ANO2: variants seen among roughly 807,000 people sequenced by gnomAD.
ANO2 encodes anoctamin-2.
In ANO2, 101 loss-of-function variants were observed where a neutral mutation model predicts 124.2. The observed-to-expected ratio is 0.81, with a 90% CI of 0.69 to 0.96. ANO2 has a LOEUF of 0.96. Ranked by LOEUF, ANO2 falls within the 40% of genes least tolerant of loss-of-function variation. The pLI, the probability that ANO2 is intolerant of heterozygous loss-of-function variation, is 0.00. For synonymous variants in ANO2, 486 were observed against 482.5 expected, an observed-to-expected ratio of 1.01 and a Z score of -0.09; for missense variants, 1,293 against 1,274.5, an observed-to-expected ratio of 1.01 and a Z score of -0.22.
Position 5,739,367 on chromosome 12 carries a change from G to C in ANO2, c.1384C>G (p.Gln462Glu), listed in dbSNP as rs753823981. ...TMFLENWKRL[Q>E]MRLGYFWDLT... is the part of the protein sequence containing the mutation. ...TCCCAAAAGTAGCCCAGTCGCATCTGTAGCCTCTTCCAGTTTTCCAGGAAC... is the reference window on the plus strand; with the variant it reads ...TCCCAAAAGTAGCCCAGTCGCATCTCTAGCCTCTTCCAGTTTTCCAGGAAC... The change falls in exon 13 of 25, where the codon CAG (glutamine) becomes GAG (glutamate). Residue 462 changes from glutamine (Q) to glutamate (E), a missense_variant. Physicochemically the swap from Gln to Glu is conservative, Grantham distance 29. Coordinates refer to ENST00000682330, the MANE Select transcript of ANO2 (RefSeq NM_001364791.2). The C allele has an allele frequency of 6.2e-7, 1 of 1,607,436 alleles. No individual in the cohort carries two copies. Among genetic ancestry groups the C allele is most frequent in the Non-Finnish European group, 8.5e-7 (1 of 1,177,068 alleles).
chr12:5,785,204 G>T (rs1183734007), intron 10 of ANO2, among the ~76,000 whole-genome samples: 1 of 152,184 alleles, frequency 6.6e-6, no homozygotes. Flanking sequence ...GGATGGATTG[G>T]TAAAGACAGG....
chr12:5,938,194 G>A (rs7397199), intron 1 of ANO2, among the ~76,000 whole-genome samples: 149,169 of 152,226 alleles, frequency 0.98, 73,148 homozygotes, highest in Middle Eastern at 1. Flanking sequence ...CAGGCATTTA[G>A]TAAGCATTTC....
chr12:5,670,750 C>T (rs1028010039), intron 14 of ANO2, among the ~76,000 whole-genome samples: 7 of 152,038 alleles, frequency 4.6e-5, no homozygotes, highest in African/African-American at 1.5e-4. Flanking sequence ...ATGTTGCCCA[C>T]GTTGATCTCG....
chr12:5,786,983 G>T (rs1272665662), intron 10 of ANO2, among the ~76,000 whole-genome samples: 1 of 152,150 alleles, frequency 6.6e-6, no homozygotes, highest in Non-Finnish European at 1.5e-5. Flanking sequence ...CACTAACACA[G>T]CCACCATAGG....
chr12:5,595,486 G>A (rs1294693966), intron 20 of ANO2, among the ~76,000 whole-genome samples: 1 of 151,928 alleles, frequency 6.6e-6, no homozygotes, highest in South Asian at 2.1e-4. Flanking sequence ...GCCTCCCAAA[G>A]TGCTGGGTTT....
intron 3 of ANO2, among the ~76,000 whole-genome samples, chr12:5,910,182 CTTG>C (rs1029238193): frequency 1.3e-5 from 2 of 152,054 alleles, no homozygotes; most frequent in African/African-American, 4.8e-5. Context: ...TGTGTTTGTT[CTTG>C]TTGTTTTGTT....
chr12:5,850,430 A>G (rs10047631), intron 4 of ANO2, among the ~76,000 whole-genome samples: 4,694 of 149,018 alleles, frequency 0.031, 209 homozygotes, highest in African/African-American at 0.094. Flanking sequence ...AAAAAAAAAA[A>G]AAAGAAAGAA....
intron 14 of ANO2, among the ~76,000 whole-genome samples, chr12:5,704,817 T>G (rs184618145): frequency 3.5e-4 from 53 of 152,282 alleles, no homozygotes; most frequent in Admixed American, 5.9e-4. Flanking sequence ...CCTGCCAAGA[T>G]TCAGATATGA....
intron 14 of ANO2, among the ~76,000 whole-genome samples, chr12:5,688,110 G>A (rs1397679934): frequency 6.6e-6 from 1 of 152,144 alleles, no homozygotes; most frequent in Non-Finnish European, 1.5e-5. Flanking sequence ...ACCTTGTGGG[G>A]GGAACAGAAA....
chr12:5,695,802 T>C (rs1033292078), intron 14 of ANO2, among the ~76,000 whole-genome samples: 1 of 152,172 alleles, frequency 6.6e-6, no homozygotes, highest in Non-Finnish European at 1.5e-5. Flanking sequence ...GATCTCACCA[T>C]TGCACTTCAG....
intron 7 of ANO2, among the ~76,000 whole-genome samples, chr12:5,823,893 T>G (rs934120232): frequency 2.0e-5 from 3 of 152,230 alleles, no homozygotes; most frequent in African/African-American, 7.2e-5. Context: ...AATTCTTGAC[T>G]TCTGTGCACC....
chr12:5,638,237 C>CTTTTTTTTTTTTTTTTTTTTTT lies in ANO2; in HGVS notation c.1621-2891_1621-2890insAAAAAAAAAAAAAAAAAAAAAA, dbSNP rs35224024. Among the ~76,000 whole-genome samples, 9 of 124,842 alleles carry CTTTTTTTTTTTTTTTTTTTTTT rather than the reference C, an allele frequency of 7.2e-5. No individual in the cohort carries two copies. The East Asian group carries it at 8.2e-4, about 11-fold the overall frequency. 81.9% of individuals were successfully genotyped at this position (124,842 alleles called of 152,430 possible). A position where few individuals can be genotyped will look rare whatever the true frequency, so the allele number is the denominator to read the frequency against. On this transcript the variant is annotated intron_variant, in intron 15 of 24. Transcript: ENST00000682330. ...ATCTTCACTAGCACTGTTTCTTTTC[C>CTTTTTTTTTTTTTTTTTTTTTT]TTTTTTTTTTTTTTTTGAGACGGAG... is the stretch of plus-strand genomic sequence containing the variant.
intron 14 of ANO2, among the ~76,000 whole-genome samples, chr12:5,697,018 C>T (rs936672295): frequency 3.3e-5 from 5 of 152,148 alleles, no homozygotes; most frequent in African/African-American, 9.7e-5. Context: ...CAGTAAAATA[C>T]TAAAAGCAGT....
In ANO2 at chr12:5,787,603, A is replaced by T. The variant is rs771949319; in HGVS notation, c.1055+11904T>A. Among the ~76,000 whole-genome samples, 5 of 152,190 alleles carry T rather than the reference A, an allele frequency of 3.3e-5. No homozygotes were observed. The highest frequency in any genetic ancestry group is 5.9e-5 in the Non-Finnish European group (4 of 68,036). ...TCGACGGGGTGTTGTGAGTTAGCAA[A>T]TGCCAAGGGGTAGAACAGTGCCTGC... On this transcript the variant is annotated intron_variant, in intron 10 of 24. Transcript: ENST00000682330. This position sits in a 1 kb window ranked among gnomAD's most constrained non-coding sequence, Gnocchi z 4.2.
chr12:5,943,931 C>G (rs550664737), intron 1 of ANO2, among the ~76,000 whole-genome samples: 34 of 152,292 alleles, frequency 2.2e-4, no homozygotes, highest in African/African-American at 7.2e-4. Context: ...GATGGCACAC[C>G]TGGAAACTGG....
At chr12:5,657,689 G>T (rs1947227988) in intron 14 of ANO2, among the ~76,000 whole-genome samples, 1 of 152,112 alleles carries the variant, frequency 6.6e-6, no homozygotes, top group Non-Finnish European at 1.5e-5. Flanking sequence ...TCTGGTTAAT[G>T]AGCTTTATGC....
At chr12:5,890,116 C>A (rs544452256) in intron 3 of ANO2, among the ~76,000 whole-genome samples, 1 of 151,948 alleles carries the variant, frequency 6.6e-6, no homozygotes, top group African/African-American at 2.4e-5. Flanking sequence ...TTAATTCCCA[C>A]GAGTATTGAG....
chr12:5,776,259 A>T (rs1952229566), intron 10 of ANO2, among the ~76,000 whole-genome samples: 1 of 152,192 alleles, frequency 6.6e-6, no homozygotes, highest in Non-Finnish European at 1.5e-5. Context: ...TGTAAAAGAA[A>T]GTGAAGGTCA....
At chr12:5,650,540 T>C (rs1323193962) in intron 14 of ANO2, among the ~76,000 whole-genome samples, 1 of 152,186 alleles carries the variant, frequency 6.6e-6, no homozygotes, top group Non-Finnish European at 1.5e-5. Context: ...CCAAAGTCAC[T>C]AGTAAAGATG....
Sources: allele counts gnomAD v4.1 joint callset (sites outside exome capture counted in the v4.1 genomes callset), GRCh38; gene constraint gnomAD v4.1.1; non-coding constraint Gnocchi (gnomAD v3.1); transcripts MANE v1.5; gene names NCBI Gene and HGNC (gene_info 2026-07-23, HGNC 2026-07-21).